EEF1G: variants seen among roughly 807,000 people sequenced by gnomAD.
EEF1G encodes the protein eukaryotic translation elongation factor 1 gamma, also known as elongation factor 1-gamma.
A neutral mutation model predicts 58.3 loss-of-function variants in EEF1G; 14 were observed. That is an observed-to-expected ratio of 0.24 (90% confidence interval 0.16 to 0.38). The LOEUF (loss-of-function observed/expected upper bound fraction) is 0.38. EEF1G is among the 10% of genes least tolerant of loss of function. The pLI is 1.00. For synonymous variants in EEF1G, 180 were observed against 206.8 expected, an observed-to-expected ratio of 0.87 and a Z score of 1.11; for missense variants, 322 against 550.1, an observed-to-expected ratio of 0.59 and a Z score of 4.15.
chr11:62,560,974 T>A (rs1359240673), intron 7 of EEF1G, among the ~76,000 whole-genome samples: 1 of 152,200 alleles, frequency 6.6e-6, no homozygotes, highest in Admixed American at 6.5e-5. Flanking sequence ...TTTTCCAAGG[T>A]TTTCCGATGC....
intron 5 of EEF1G, 62 bp from the exon 6 acceptor site, chr11:62,567,590 G>C (rs1941571997): frequency 7.5e-6 from 11 of 1,471,884 alleles, no homozygotes; most frequent in Admixed American, 5.2e-5. Context: ...TCTGTTCACA[G>C]CAAGAGTCCT....
chr11:62,573,384 G>A (rs1941661503), intron 1 of EEF1G: 2 of 205,818 alleles, frequency 9.7e-6, no homozygotes, highest in African/African-American at 4.6e-5. Context: ...CAATTGGTCT[G>A]ACTTCACTGT....
At position 62,571,043 on chromosome 11, in the gene EEF1G, C is replaced by G. The variant is rs753272618; in HGVS notation, c.444G>C (p.Thr148=). Residue 148 remains threonine (T), a synonymous_variant, in exon 5 of 10, where the codon ACG becomes ACC. Coordinates refer to ENST00000329251, the MANE Select transcript of EEF1G (RefSeq NM_001404.5). ...ILGLLDAYLK[T]RTFLVGERVT... ...CTCGTTCGCCCACCAGAAAAGTCCT[C>G]GTCTTCAAGTAAGCATCCAGCAGCC... 3.1e-6 allele frequency: 5 copies of G among 1,613,852 alleles called. No individual in the cohort carries two copies. In the South Asian group the frequency reaches 5.5e-5, roughly 18 times the overall value.
chr11:62,573,263 C>CCT (rs1253109896), intron 1 of EEF1G: 2 of 158,142 alleles, frequency 1.3e-5, no homozygotes, highest in East Asian at 1.9e-4. Flanking sequence ...TAAATCAACT[C>CCT]CTCTCTCTCA....
intron 7 of EEF1G, among the ~76,000 whole-genome samples, chr11:62,562,092 T>C (rs549507952): frequency 6.6e-6 from 1 of 152,248 alleles, no homozygotes; most frequent in Non-Finnish European, 1.5e-5. Context: ...TAATGAAGGA[T>C]TTAGAGCCCT....
intron 4 of EEF1G, 32 bp from the exon 5 acceptor site, chr11:62,571,140 G>A (rs1941625717): frequency 6.2e-7 from 1 of 1,613,528 alleles, no homozygotes; most frequent in Non-Finnish European, 8.5e-7. Context: ...ACTCATCAGT[G>A]GGTACCAATC....
intron 7 of EEF1G, among the ~76,000 whole-genome samples, chr11:62,566,534 T>G (rs1010292381): frequency 1.3e-5 from 2 of 152,250 alleles, no homozygotes; most frequent in Non-Finnish European, 2.9e-5. Context: ...CAAAACCAAC[T>G]TACCACTATA....
At chr11:62,562,106 C>G (rs1387788505) in intron 7 of EEF1G, among the ~76,000 whole-genome samples, 1 of 152,234 alleles carries the variant, frequency 6.6e-6, no homozygotes, top group Non-Finnish European at 1.5e-5. Flanking sequence ...GAGCCCTGCA[C>G]CTGGTACGGT....
Position 62,564,758 on chromosome 11 carries a change from C to CAAAAAA in EEF1G, c.857+2042_857+2047dup, listed in dbSNP as rs34663205. On this transcript the variant is annotated intron_variant, in intron 7 of 9. Transcript: ENST00000329251. ...TGGGCGACAGAGCCAGACTCCATCT[C>CAAAAAA]AAAAAAAAAAAAAAAAAAAAAAAAG... 1.7e-3 allele frequency among the ~76,000 whole-genome samples: 131 copies of CAAAAAA among 74,990 alleles called. 2 individuals carry two copies. Among genetic ancestry groups the CAAAAAA allele is most frequent in the African/African-American group, 8.1e-3 (107 of 13,158 alleles). The allele number at this position is 74,990 out of a possible 152,430, so 49.2% of individuals were successfully genotyped here.
Position 62,560,191 on chromosome 11 carries a change from T to C in EEF1G, c.1033A>G (p.Met345Val). 6.2e-7 allele frequency: 1 copy of C among 1,614,034 alleles called. No homozygotes were observed. The highest frequency in any genetic ancestry group is 8.5e-7 in the Non-Finnish European group (1 of 1,179,892). The stretch of plus-strand genomic sequence containing the variant: ...CTCAGCTTGTCCAGTCGCTGGAACA[T>C]TCCTGAAGCGGCAAGGGAGAACATT... Reference protein sequence around the residue: ...TFMSCNLITGMFQRLDKLRKN... With the variant: ...TFMSCNLITGVFQRLDKLRKN... Residue 345 changes from methionine to valine, a missense_variant and splice_region_variant, in exon 9 of 10, where the codon ATG (methionine) becomes GTG (valine). This residue lies in a region of EEF1G where 208 missense variants were observed against 323.7 expected (regional missense o/e 0.64). Transcript: ENST00000329251.
At chr11:62,565,398 C>A (rs1045694137) in intron 7 of EEF1G, among the ~76,000 whole-genome samples, 1 of 151,588 alleles carries the variant, frequency 6.6e-6, no homozygotes, top group African/African-American at 2.4e-5. Context: ...AAAAAAAAAA[C>A]CTTGGGGAAA....
rs1941569346 is a variant in EEF1G at position 62,567,338 on chromosome 11, T to G, written c.652+61A>C. ...AAAGCAAGACAGGAAATCAAGGGGT[T>G]GATGCAGAGCAAACCAGACCCTGAT... is the stretch of plus-strand genomic sequence containing the variant. On this transcript the variant is annotated intron_variant, in intron 6 of 9. Coordinates refer to ENST00000329251, the MANE Select transcript of EEF1G (RefSeq NM_001404.5). The G allele has an allele frequency of 2.0e-5, 31 of 1,536,078 alleles. No homozygotes were observed. In the South Asian group the frequency reaches 3.9e-4, roughly 19 times the overall value.
intron 6 of EEF1G, 122 bp downstream of exon 6, chr11:62,567,277 A>G (rs1941568509): frequency 7.5e-7 from 1 of 1,331,656 alleles, no homozygotes; most frequent in Non-Finnish European, 1.0e-6. Context: ...TAGCTACCAC[A>G]TTGACACCCT....
At chr11:62,567,141 C>CTGCT in intron 6 of EEF1G, 131 bp from the exon 7 acceptor site, 1 of 1,041,118 alleles carries the variant, frequency 9.6e-7, no homozygotes, top group Non-Finnish European at 1.4e-6. Flanking sequence ...AGGCCCCAGA[C>CTGCT]TGCTCATCAG....
At chr11:62,566,662 G>A in intron 7 of EEF1G, 144 bp downstream of exon 7, 1 of 790,924 alleles carries the variant, frequency 1.3e-6, no homozygotes, top group Non-Finnish European at 2.0e-6. Context: ...CAGCCAGAAA[G>A]CTGCTTTATT....
rs573931132 is a variant in EEF1G, at chr11:62,567,649, A to G, written c.523-121T>C. The G allele has an allele frequency of 4.2e-6, 4 of 946,888 alleles. No individual in the cohort carries two copies. The African/African-American group carries it at 5.0e-5, about 12-fold the overall frequency. 58.7% of individuals were successfully genotyped at this position (946,888 alleles called of 1,614,324 possible). On this transcript the variant is annotated intron_variant, in intron 5 of 9. Transcript: ENST00000329251. ...CACCTTCTTTTCAAACCCTATAGAC[A>G]ATAGCTTCATACAACATCATCCTTC...
intron 1 of EEF1G, chr11:62,572,990 G>C (rs1941654531): frequency 6.1e-6 from 2 of 330,198 alleles, no homozygotes; most frequent in South Asian, 1.8e-4. Flanking sequence ...GACACCTCTG[G>C]AAGTATTCTC....
intron 6 of EEF1G, 101 bp downstream of exon 6, chr11:62,567,298 G>C: frequency 4.8e-6 from 7 of 1,448,932 alleles, no homozygotes; most frequent in Non-Finnish European, 5.5e-6. Context: ...ACATTCTGCA[G>C]GTCCCCATAA....
Position 62,571,842 on chromosome 11 carries a change from G to A in EEF1G, c.231C>T (p.Tyr77=), listed in dbSNP as rs1408365739. Residue 77 remains tyrosine (Y), a synonymous_variant, in exon 3 of 10, where the codon TAC becomes TAT. Transcript: ENST00000329251. ...FCVFESNAIA[Y]YVSNEELRGS... The stretch of plus-strand genomic sequence containing the variant: ...CCATATACCCCTGCAAATTACCATA[G>A]TAGGCAATGGCGTTGCTCTCAAACA... 1.6e-5 allele frequency: 25 copies of A among 1,588,042 alleles called. No individual in the cohort carries two copies. The highest frequency in any genetic ancestry group is 4.5e-5 in the East Asian group (2 of 43,962).
Sources: allele counts gnomAD v4.1 joint callset (sites outside exome capture counted in the v4.1 genomes callset), GRCh38; gene constraint gnomAD v4.1.1; regional missense constraint gnomAD v4.1.1; transcripts MANE v1.5; gene names NCBI Gene and HGNC (gene_info 2026-07-23, HGNC 2026-07-21).